The following PCDHA10 variants were observed in gnomAD, a reference collection of about 807,000 sequenced individuals.
PCDHA10 encodes the protein protocadherin alpha-10.
PCDHA10 carries 45 observed loss-of-function variants against 61.2 expected under a neutral mutation model. The observed-to-expected ratio is 0.74, with a 90% CI of 0.58 to 0.94. The LOEUF is 0.94. Ranked by LOEUF, PCDHA10 falls within the 40% of genes least tolerant of loss-of-function variation. PCDHA10 has a pLI of 0.00. For missense variants in PCDHA10, 1,278 were observed against 1,236.2 expected, an observed-to-expected ratio of 1.03 and a Z score of -0.51; for synonymous variants, 602 against 548.8, an observed-to-expected ratio of 1.10 and a Z score of -1.35.
At chr5:140,875,647 C>T (rs1554167823) in intron 1 of PCDHA10, 1 of 1,613,694 alleles carries the variant, frequency 6.2e-7, no homozygotes, top group Non-Finnish European at 8.5e-7. Context: ...GCTGGCGGAG[C>T]TGGTGCCGCG....
In PCDHA10 at chr5:140,988,105, A is replaced by C. The variant is rs2097283158; in HGVS notation, c.2536+5542A>C. On this transcript the variant is annotated intron_variant, in intron 3 of 3. Transcript: ENST00000307360. ...TGAGTGCAGCCTCGGGCCTTGTTGGAGAATTTAGAAAGCATGCTGTTCCAC... is the reference window on the plus strand; with the variant it reads ...TGAGTGCAGCCTCGGGCCTTGTTGGCGAATTTAGAAAGCATGCTGTTCCAC... Among the ~76,000 whole-genome samples the C allele has an allele frequency of 2.6e-5, 4 of 152,138 alleles. No individual in the cohort carries two copies. In the South Asian group the frequency reaches 8.3e-4, roughly 32 times the overall value.
rs2054438060 is a variant in PCDHA10 at position 140,873,702 on chromosome 5, C to T, written c.2388+15266C>T. 9.2e-5 allele frequency among the ~76,000 whole-genome samples: 14 copies of T among 152,214 alleles called. No individual in the cohort carries two copies. In the South Asian group the frequency reaches 2.9e-3, roughly 32 times the overall value. ...TTGAGATAGAGTCTTGCTCTATCAC[C>T]CAGGCTGGTGTGCAGTGGCGCAATC... On this transcript the variant is annotated intron_variant, in intron 1 of 3. Transcript: ENST00000307360.
intron 1 of PCDHA10, among the ~76,000 whole-genome samples, chr5:140,917,830 G>A (rs2078377355): frequency 6.6e-6 from 1 of 151,722 alleles, no homozygotes; most frequent in Admixed American, 6.6e-5. Flanking sequence ...GTAGTGTGAT[G>A]TCCTTCTTGT....
chr5:141,008,074 G>A (rs1484978543), intron 3 of PCDHA10, among the ~76,000 whole-genome samples: 1 of 151,988 alleles, frequency 6.6e-6, no homozygotes, highest in Non-Finnish European at 1.5e-5. Flanking sequence ...AGAACTTATT[G>A]GGGTTATTCT....
intron 1 of PCDHA10, among the ~76,000 whole-genome samples, chr5:140,956,211 T>C (rs908749043): frequency 6.6e-6 from 1 of 152,198 alleles, no homozygotes; most frequent in African/African-American, 2.4e-5. Context: ...AAAGAGGGCA[T>C]CCTTGTCTTG....
chr5:140,884,319 C>T lies in PCDHA10; in HGVS notation c.2388+25883C>T. ...CCACAGGCTTCGTCGAGGGCGTCGG[C>T]AGGCGCTGTGGGTCCAGAAGCGGCG... On this transcript the variant is annotated intron_variant, in intron 1 of 3. Transcript: ENST00000307360. 6.2e-7 allele frequency: 1 copy of T among 1,613,800 alleles called. No homozygotes were observed. The highest frequency in any genetic ancestry group is 8.5e-7 in the Non-Finnish European group (1 of 1,179,860).
At chr5:140,862,916 G>T (rs1581662111) in intron 1 of PCDHA10, 1 of 547,888 alleles carries the variant, frequency 1.8e-6, no homozygotes, top group Non-Finnish European at 3.5e-6. Context: ...CTGGCGCCTT[G>T]GGTGGGCTGG....
chr5:140,966,885 C>A (rs1554228854), intron 1 of PCDHA10: 1 of 1,590,816 alleles, frequency 6.3e-7, no homozygotes, highest in Admixed American at 1.7e-5. Flanking sequence ...CCTGGCCCTG[C>A]GGCCTCCCAG....
intron 1 of PCDHA10, among the ~76,000 whole-genome samples, chr5:140,970,397 T>C (rs2096402198): frequency 6.6e-6 from 1 of 152,218 alleles, no homozygotes; most frequent in Non-Finnish European, 1.5e-5. Flanking sequence ...GGAAAGTGGA[T>C]GGCTTACCCT....
At chr5:140,893,318 T>C (rs1329749503) in intron 1 of PCDHA10, among the ~76,000 whole-genome samples, 2 of 152,170 alleles carry the variant, frequency 1.3e-5, no homozygotes, top group African/African-American at 2.4e-5. Context: ...TTTGAGGGAC[T>C]CCCATACTGT....
chr5:140,874,295 C>G (rs1395734627), intron 1 of PCDHA10, among the ~76,000 whole-genome samples: 2 of 152,110 alleles, frequency 1.3e-5, no homozygotes, highest in Non-Finnish European at 2.9e-5. Context: ...TCTATGTGTA[C>G]TTGTTCACAA....
intron 1 of PCDHA10, chr5:140,881,265 T>C (rs1352186503): frequency 1.7e-6 from 1 of 600,348 alleles, no homozygotes; most frequent in Non-Finnish European, 2.1e-6. Context: ...TACTCAGTGA[T>C]GATGAAGTAA....
intron 1 of PCDHA10, chr5:140,863,222 A>C: frequency 9.0e-7 from 1 of 1,110,392 alleles, no homozygotes; most frequent in Non-Finnish European, 1.3e-6. Flanking sequence ...CAAGCGAGGA[A>C]GGTCCCATCG....
rs781828328 is a variant in PCDHA10, at chr5:140,857,310, A to C, written c.1262A>C (p.Glu421Ala). Reference protein sequence around the residue: ...ALDRERVSAYELVVTARDGGS... With the variant: ...ALDRERVSAYALVVTARDGGS... ...GACCGCGAGAGGGTGTCGGCCTATG[A>C]GCTGGTGGTGACCGCGCGGGACGGG... The change falls in exon 1 of 4, where the codon GAG becomes GCG. Residue 421 changes from glutamate to alanine, a missense_variant. Glu to Ala is a moderately radical substitution (Grantham distance 107, BLOSUM62 -1). Transcript: ENST00000307360. 1 of 1,598,608 alleles carries C rather than the reference A, an allele frequency of 6.3e-7. No individual in the cohort carries two copies. The highest frequency in any genetic ancestry group is 1.7e-5 in the Admixed American group (1 of 59,342).
intron 1 of PCDHA10, among the ~76,000 whole-genome samples, chr5:140,945,295 T>G (rs2093770302): frequency 6.6e-6 from 1 of 152,084 alleles, no homozygotes; most frequent in Non-Finnish European, 1.5e-5. Flanking sequence ...TGAAAGAAAT[T>G]GAAGAAGACA....
intron 1 of PCDHA10, among the ~76,000 whole-genome samples, chr5:140,942,439 A>C (rs1554214983): frequency 6.6e-6 from 1 of 152,200 alleles, no homozygotes; most frequent in Non-Finnish European, 1.5e-5. Context: ...AACAATAAAC[A>C]AGTAAACTAT....
chr5:140,928,251 C>T (rs267600404), intron 1 of PCDHA10: 5 of 1,614,204 alleles, frequency 3.1e-6, no homozygotes, highest in Non-Finnish European at 3.4e-6. Flanking sequence ...AGGAACTTTT[C>T]GTTGCTGAAA....
intron 1 of PCDHA10, among the ~76,000 whole-genome samples, chr5:140,973,706 G>A (rs143845626): frequency 4.6e-5 from 7 of 152,274 alleles, no homozygotes; most frequent in South Asian, 4.1e-4. Context: ...TCTGACCCAG[G>A]AGTGAGCCAT....
At chr5:140,880,694 A>T (rs1254061280) in intron 1 of PCDHA10, among the ~76,000 whole-genome samples, 1 of 152,346 alleles carries the variant, frequency 6.6e-6, no homozygotes, top group South Asian at 2.1e-4. Context: ...AGTCATGGTT[A>T]AGTGACAATG....
Sources: gnomAD v4.1 joint callset for allele counts (sites outside exome capture counted in the v4.1 genomes callset) on GRCh38, gnomAD v4.1.1 for gene constraint, MANE v1.5 for transcripts, NCBI Gene and HGNC (gene_info 2026-07-23, HGNC 2026-07-21) for gene names.